The following CHD1L variants were observed in gnomAD, a reference collection of about 807,000 sequenced individuals.
CHD1L encodes the protein ATP-dependent chromatin remodeler CHD1L.
Under a neutral mutation model 115.9 loss-of-function variants are expected in CHD1L, and 118 were observed. That is an observed-to-expected ratio of 1.02 (90% CI 0.88 to 1.19). CHD1L has a LOEUF of 1.19. CHD1L is among the 50% of genes most tolerant of loss of function. The pLI is 0.00. For synonymous variants in CHD1L, 411 were observed against 387.1 expected, an observed-to-expected ratio of 1.06 and a Z score of -0.72; for missense variants, 1,179 against 1,065.3, an observed-to-expected ratio of 1.11 and a Z score of -1.49.
Position 147,286,355 on chromosome 1 carries a change from C to A in CHD1L, c.2076C>A (p.Ser692Arg), listed in dbSNP as rs587607898. The A allele has an allele frequency of 1.8e-5, 29 of 1,614,130 alleles. No homozygotes were observed. In the South Asian group the frequency reaches 3.0e-4, roughly 17 times the overall value. ...CCTTCTGCCTGCCCTCTGAGGAGAG[C>A]GAGCCAGAGGACCTTGAGAATGGGG... ...YQSFCLPSEE[S>R]EPEDLENGEE... The change falls in exon 18 of 23, where the codon AGC (serine) becomes AGA (arginine). Residue 692 changes from serine to arginine, a missense_variant. Physicochemically the swap from Ser to Arg is moderately radical, Grantham distance 110 (BLOSUM62 -1). Transcript: ENST00000369258.
At chr1:147,270,749 G>A (rs1675845756) in intron 10 of CHD1L, among the ~76,000 whole-genome samples, 183 bp from the exon 11 acceptor site, 1 of 152,164 alleles carries the variant, frequency 6.6e-6, no homozygotes, top group South Asian at 2.1e-4. Flanking sequence ...ACAGCTACCT[G>A]TGGAGGTGTA....
At chr1:147,179,848 TG>T in the CHD1L span, among the ~76,000 whole-genome samples, 1 of 151,996 alleles carries the variant, frequency 6.6e-6, no homozygotes, top group East Asian at 1.9e-4. Flanking sequence ...GAAAAATTAT[TG>T]GTGTTGGGGG....
In CHD1L at chr1:147,252,651, G is replaced by A; in HGVS notation, c.156G>A (p.Glu52=). The change falls in exon 2 of 23, where the codon GAG becomes GAA. Residue 52 remains glutamate (E), a synonymous_variant. Coordinates refer to ENST00000369258, the MANE Select transcript of CHD1L (RefSeq NM_004284.6). ...TTCACCTACGCTCTTACCAGCTGGAGGGAGTAAACTGGCTCGCCCAGCGCT... is the reference window on the plus strand; with the variant it reads ...TTCACCTACGCTCTTACCAGCTGGAAGGAGTAAACTGGCTCGCCCAGCGCT... ...TGIHLRSYQL[E]GVNWLAQRFH... is the part of the protein sequence containing the mutation. The A allele has an allele frequency of 6.2e-7, 1 of 1,614,072 alleles. No individual in the cohort carries two copies.
intron 11 of CHD1L, among the ~76,000 whole-genome samples, chr1:147,271,816 C>T (rs1385638377): frequency 3.3e-5 from 5 of 152,268 alleles, no homozygotes; most frequent in Admixed American, 1.3e-4. Context: ...TGCCTCCAAG[C>T]GCTTGTCTTC....
chr1:147,262,578 T>C (rs1332871991), intron 6 of CHD1L, among the ~76,000 whole-genome samples: 1 of 152,130 alleles, frequency 6.6e-6, no homozygotes, highest in Admixed American at 6.5e-5. Flanking sequence ...TGAACACATA[T>C]TGTAAGAATG....
chr1:147,269,474 T>C (rs1553951208), intron 10 of CHD1L, among the ~76,000 whole-genome samples: 1 of 151,856 alleles, frequency 6.6e-6, no homozygotes, highest in Non-Finnish European at 1.5e-5. Context: ...ATCGAGACCA[T>C]CTTGGCCAAC....
chr1:147,191,449 T>A, the CHD1L span, among the ~76,000 whole-genome samples: 1 of 152,296 alleles, frequency 6.6e-6, no homozygotes, highest in South Asian at 2.1e-4. Flanking sequence ...GATGAGAATT[T>A]TTTCATGTAT....
intron 17 of CHD1L, 134 bp downstream of exon 17, chr1:147,285,621 T>C (rs1357132152): frequency 2.0e-6 from 2 of 1,013,400 alleles, no homozygotes; most frequent in Non-Finnish European, 2.9e-6. Flanking sequence ...CAGAATACTT[T>C]CTGAAAACAT....
intron 2 of CHD1L, among the ~76,000 whole-genome samples, chr1:147,254,261 T>A (rs1260830227): frequency 7.9e-5 from 12 of 152,204 alleles, no homozygotes; most frequent in African/African-American, 2.9e-4. Flanking sequence ...GTTTTCCCCG[T>A]TAGAATGTGT....
the CHD1L span, chr1:147,204,987 A>ATG: frequency 9.8e-7 from 1 of 1,022,430 alleles, no homozygotes; most frequent in Non-Finnish European, 1.5e-6. Context: ...CGGAGGAACC[A>ATG]AAGGTTTTCA....
At position 147,286,504 on chromosome 1, in the gene CHD1L, C is replaced by A. The variant is rs373045212; in HGVS notation, c.2221+4C>A. 1.9e-6 allele frequency: 3 copies of A among 1,612,802 alleles called. No individual in the cohort carries two copies. The Admixed American group carries it at 5.0e-5, about 27-fold the overall frequency. On this transcript the variant is annotated splice_donor_region_variant and intron_variant, in intron 18 of 22. Coordinates refer to ENST00000369258, the MANE Select transcript of CHD1L (RefSeq NM_004284.6). ...GCTCTCATTGTGCACTGCGTAGGTA[C>A]GAGAAGTGGTATGGGCTGGGGATGG...
At chr1:147,240,294 G>A (rs1461813616), upstream of CHD1L, among the ~76,000 whole-genome samples, 1 of 152,226 alleles carries the variant, frequency 6.6e-6, no homozygotes, top group Non-Finnish European at 1.5e-5. Flanking sequence ...ATTCAGGGCT[G>A]TGCAGGATGT....
At chr1:147,259,653 A>G (rs1671256051) in intron 5 of CHD1L, 184 bp from the exon 6 acceptor site, 1 of 524,082 alleles carries the variant, frequency 1.9e-6, no homozygotes, top group Admixed American at 2.9e-5. Flanking sequence ...TGGTTTTACT[A>G]CCTTATCCAG....
chr1:147,173,188 C>G, the CHD1L span: 1 of 153,640 alleles, frequency 6.5e-6, no homozygotes, highest in Admixed American at 6.5e-5. Context: ...GAAGTCCCAG[C>G]TACTTGGGAG....
intron 2 of CHD1L, among the ~76,000 whole-genome samples, 192 bp downstream of exon 2, chr1:147,252,927 C>T (rs1553937502): frequency 6.6e-6 from 1 of 152,204 alleles, no homozygotes; most frequent in African/African-American, 2.4e-5. Context: ...ATTGCAGTTC[C>T]CCTACTGACT....
upstream of CHD1L, among the ~76,000 whole-genome samples, chr1:147,241,243 T>C (rs782749828): frequency 6.6e-6 from 1 of 152,158 alleles, no homozygotes; most frequent in Non-Finnish European, 1.5e-5. Context: ...CACGTACACA[T>C]CCAGATGGCT....
intron 12 of CHD1L, among the ~76,000 whole-genome samples, chr1:147,272,957 T>C (rs1553954536): frequency 6.6e-6 from 1 of 150,536 alleles, no homozygotes; most frequent in Non-Finnish European, 1.5e-5. Flanking sequence ...CCCAGCACTT[T>C]GGGAGGCTGA....
At chr1:147,212,525 C>T in the CHD1L span, 2 of 1,612,498 alleles carry the variant, frequency 1.2e-6, no homozygotes, top group Non-Finnish European at 1.7e-6. Context: ...GCCCTTTGAA[C>T]TTCTCAATTC....
intron 19 of CHD1L, among the ~76,000 whole-genome samples, chr1:147,287,980 G>A (rs1432397586): frequency 1.3e-5 from 2 of 152,160 alleles, no homozygotes; most frequent in African/African-American, 2.4e-5. Flanking sequence ...ACTGTAGTAA[G>A]CATAATAAAT....
Sources: gnomAD v4.1 joint callset for allele counts (sites outside exome capture counted in the v4.1 genomes callset) on GRCh38, gnomAD v4.1.1 for gene constraint, MANE v1.5 for transcripts, NCBI Gene and HGNC (gene_info 2026-07-23, HGNC 2026-07-21) for gene names.